Variants in SIPA1L1 observed in about 807,000 individuals in gnomAD.
The protein encoded by SIPA1L1 is signal-induced proliferation-associated 1-like protein 1.
Under a neutral mutation model 162.7 loss-of-function variants are expected in SIPA1L1, and 26 were observed. The ratio of observed to expected loss-of-function variants is 0.16; its 90% CI spans 0.12 to 0.22. The LOEUF (loss-of-function observed/expected upper bound fraction) is 0.22, where lower values mean the gene tolerates loss of function less well. SIPA1L1 is among the 10% of genes least tolerant of loss of function. SIPA1L1 has a pLI of 1.00. For missense variants in SIPA1L1, 1,874 were observed against 2,241.0 expected (o/e 0.84, Z 3.31); for synonymous variants, 829 against 837.4 (o/e 0.99, Z 0.17).
rs1215416598 is a variant in SIPA1L1 at position 71,672,484 on chromosome 14, G to A, written c.2966G>A (p.Arg989Lys). ...PYGYAWQAGL[R>K]QGSRLVEICK... ...GGTTATGCCTGGCAGGCAGGGCTGA[G>A]GCAGGGCAGTCGCCTGGTGGAGATC... Residue 989 changes from arginine (R) to lysine (K), a missense_variant, in exon 12 of 24, where the codon AGG becomes AAG. This residue lies in a region of SIPA1L1 where 936 missense variants were observed against 1,051.9 expected (regional missense o/e 0.89). Transcript: ENST00000381232. 1.4e-5 allele frequency: 23 copies of A among 1,614,236 alleles called. No homozygotes were observed. Among genetic ancestry groups the A allele is most frequent in the Non-Finnish European group, 1.9e-5 (23 of 1,180,034 alleles).
At chr14:71,450,206 A>G (rs34469007) in intron 2 of SIPA1L1, among the ~76,000 whole-genome samples, 24,879 of 152,104 alleles carry the variant, frequency 0.16, 2,650 homozygotes, top group Middle Eastern at 0.36. Context: ...AAATAAATAT[A>G]TGTAACTTTA....
At chr14:71,424,958 G>T (rs1237159763) in intron 2 of SIPA1L1, among the ~76,000 whole-genome samples, 1 of 151,754 alleles carries the variant, frequency 6.6e-6, no homozygotes, top group Non-Finnish European at 1.5e-5. Context: ...TATCTCTTAG[G>T]TTTTCTGTTT....
At chr14:71,336,608 T>C (rs1372451005) in intron 2 of SIPA1L1, among the ~76,000 whole-genome samples, 1 of 152,228 alleles carries the variant, frequency 6.6e-6, no homozygotes, top group East Asian at 1.9e-4. Context: ...AACTACAACC[T>C]GTGCTGGGAC....
At position 71,624,040 on chromosome 14, in the gene SIPA1L1, T is replaced by C; in HGVS notation, c.1630-8T>C. ...GAAGCCTCACCACAGCACCTGTCTCTCTTGCAGCTCATGACACTGAGAGGT... is the reference window on the plus strand; with the variant it reads ...GAAGCCTCACCACAGCACCTGTCTCCCTTGCAGCTCATGACACTGAGAGGT... On this transcript the variant is annotated splice_polypyrimidine_tract_variant and splice_region_variant and intron_variant, in intron 6 of 23. Transcript: ENST00000381232. The C allele has an allele frequency of 6.3e-7, 1 of 1,590,546 alleles. No homozygotes were observed. Among genetic ancestry groups the C allele is most frequent in the Non-Finnish European group, 8.6e-7 (1 of 1,167,078 alleles).
intron 2 of SIPA1L1, among the ~76,000 whole-genome samples, chr14:71,415,695 CTTAA>C (rs969325281): frequency 2.6e-5 from 4 of 151,516 alleles, no homozygotes; most frequent in African/African-American, 7.3e-5. Context: ...TCTCAAATGT[CTTAA>C]TTATTTTTTT....
intron 4 of SIPA1L1, among the ~76,000 whole-genome samples, chr14:71,571,014 C>T (rs1350229756): frequency 2.6e-5 from 4 of 152,090 alleles, no homozygotes; most frequent in Non-Finnish European, 4.4e-5. Context: ...AGGCTGGTCT[C>T]GAACTCCTGA....
At chr14:71,490,687 C>T (rs1438368734) in intron 2 of SIPA1L1, among the ~76,000 whole-genome samples, 1 of 152,180 alleles carries the variant, frequency 6.6e-6, no homozygotes, top group Non-Finnish European at 1.5e-5. Context: ...AAGTGTCATA[C>T]AGCAACATTA....
At chr14:71,506,196 T>C (rs1359904830) in intron 2 of SIPA1L1, among the ~76,000 whole-genome samples, 1 of 152,208 alleles carries the variant, frequency 6.6e-6, no homozygotes. Context: ...GTTGGATAAT[T>C]GACTTGTTTC....
At chr14:71,491,724 G>A (rs1485286937) in intron 2 of SIPA1L1, among the ~76,000 whole-genome samples, 1 of 147,760 alleles carries the variant, frequency 6.8e-6, no homozygotes, top group Non-Finnish European at 1.5e-5. Context: ...GAGATTACAG[G>A]CGTGAGCCAC....
intron 2 of SIPA1L1, among the ~76,000 whole-genome samples, chr14:71,340,334 A>G (rs74060349): frequency 0.01 from 1,509 of 149,268 alleles, 31 homozygotes; most frequent in African/African-American, 0.036. Flanking sequence ...CTGTTGTAGG[A>G]CTTTGGCCTG....
chr14:71,558,895 G>A (rs1469448330), intron 4 of SIPA1L1, among the ~76,000 whole-genome samples: 2 of 152,032 alleles, frequency 1.3e-5, no homozygotes, highest in African/African-American at 4.8e-5. Context: ...TATTGCCAAG[G>A]CTGATCTCAA....
At chr14:71,502,524 G>C (rs1264242187) in intron 2 of SIPA1L1, among the ~76,000 whole-genome samples, 1 of 151,592 alleles carries the variant, frequency 6.6e-6, no homozygotes. Context: ...GGGATTACAG[G>C]CATGAGCCAC....
rs186676189 is a variant in SIPA1L1, at chr14:71,705,960, G to A, written c.3765+620G>A. On this transcript the variant is annotated intron_variant, in intron 16 of 23. Transcript: ENST00000381232. The stretch of plus-strand genomic sequence containing the variant: ...CCTGATACCGCTATTGGGACGGGAC[G>A]CCCTCCCCATGCAGTTGATTTCCTT... 5.3e-5 allele frequency among the ~76,000 whole-genome samples: 8 copies of A among 151,858 alleles called. No individual in the cohort carries two copies. The East Asian group carries it at 1.4e-3, about 26-fold the overall frequency.
At chr14:71,351,347 T>G (rs1333582801) in intron 2 of SIPA1L1, among the ~76,000 whole-genome samples, 2 of 152,086 alleles carry the variant, frequency 1.3e-5, no homozygotes, top group Non-Finnish European at 2.9e-5. Context: ...TTGGAATACA[T>G]GGAGATAGTT....
intron 2 of SIPA1L1, among the ~76,000 whole-genome samples, chr14:71,404,465 A>G (rs1165531512): frequency 2.0e-5 from 3 of 152,044 alleles, no homozygotes; most frequent in Admixed American, 6.5e-5. Context: ...AATCGCTTGA[A>G]CCCAGGAGGT....
At chr14:71,544,269 G>A (rs768801887) in intron 4 of SIPA1L1, among the ~76,000 whole-genome samples, 2 of 105,986 alleles carry the variant, frequency 1.9e-5, no homozygotes, top group Non-Finnish European at 5.0e-5. Context: ...CATGATATGT[G>A]TATATACATA....
intron 14 of SIPA1L1, among the ~76,000 whole-genome samples, chr14:71,699,744 A>G (rs2081941815): frequency 6.6e-6 from 1 of 152,224 alleles, no homozygotes; most frequent in Admixed American, 6.5e-5. Flanking sequence ...GTCTGTGAGG[A>G]CAAGTGAGGC....
chr14:71,569,593 A>G (rs1427758439), intron 4 of SIPA1L1, among the ~76,000 whole-genome samples: 1 of 152,164 alleles, frequency 6.6e-6, no homozygotes, highest in African/African-American at 2.4e-5. Flanking sequence ...AGAAGGGGAA[A>G]CCCTCTGTCT....
intron 10 of SIPA1L1, among the ~76,000 whole-genome samples, chr14:71,670,816 AT>A (rs796938225): frequency 2.6e-5 from 4 of 151,678 alleles, no homozygotes; most frequent in Admixed American, 1.3e-4. Context: ...CAGTAAACCT[AT>A]TTTTTTTCAT....
Sources: allele counts gnomAD v4.1 joint callset (sites outside exome capture counted in the v4.1 genomes callset), GRCh38; gene constraint gnomAD v4.1.1; regional missense constraint gnomAD v4.1.1; transcripts MANE v1.5; gene names NCBI Gene and HGNC (gene_info 2026-07-23, HGNC 2026-07-21).